CCDC92: variants seen among roughly 807,000 people sequenced by gnomAD.
CCDC92 encodes coiled-coil domain containing 92.
In CCDC92, 12 loss-of-function variants were observed where a neutral mutation model predicts 24.9. That is an observed-to-expected ratio of 0.48 (90% confidence interval 0.31 to 0.78). CCDC92 has a LOEUF of 0.78. Ranked by LOEUF, CCDC92 falls within the 30% of genes least tolerant of loss-of-function variation. CCDC92 has a pLI of 0.05. For missense variants in CCDC92, 399 were observed against 439.4 expected (o/e 0.91, Z 0.82); for synonymous variants, 193 against 196.3 (o/e 0.98, Z 0.14).
intron 1 of CCDC92, among the ~76,000 whole-genome samples, chr12:123,962,172 GAAT>G (rs934443582): frequency 3.3e-5 from 5 of 152,042 alleles, no homozygotes; most frequent in Admixed American, 2.6e-4. Context: ...AAAAAAATCA[GAAT>G]AAGAGAAAAT....
At chr12:123,966,689 T>TA (rs1956400576) in intron 1 of CCDC92, 1 of 152,252 alleles carries the variant, frequency 6.6e-6, no homozygotes, top group South Asian at 2.1e-4. Context: ...CAGGAATGGC[T>TA]AATTTGCTGC....
chr12:123,964,590 A>G (rs1956348044), intron 1 of CCDC92, among the ~76,000 whole-genome samples: 1 of 152,208 alleles, frequency 6.6e-6, no homozygotes, highest in Non-Finnish European at 1.5e-5. Flanking sequence ...TCATACAAAA[A>G]GTAGAATTTT....
At chr12:123,947,028 C>T (rs568032668) in intron 1 of CCDC92, among the ~76,000 whole-genome samples, 1 of 152,156 alleles carries the variant, frequency 6.6e-6, no homozygotes. Flanking sequence ...GCTTGGCGGG[C>T]CCCGCACTCA....
At chr12:123,938,408 T>A (rs977487398) in intron 4 of CCDC92, among the ~76,000 whole-genome samples, 7 of 152,124 alleles carry the variant, frequency 4.6e-5, no homozygotes. Context: ...CTGTCTCGCC[T>A]CTGTGGCTCT....
chr12:123,943,325 C>G (rs1361421820), intron 3 of CCDC92, 22 bp downstream of exon 3: 1 of 1,607,994 alleles, frequency 6.2e-7, no homozygotes, highest in Non-Finnish European at 8.5e-7. Flanking sequence ...CCCCGCCTGC[C>G]CGGGCCTGCT....
At chr12:123,955,746 G>A (rs1293496561) in intron 1 of CCDC92, among the ~76,000 whole-genome samples, 1 of 152,072 alleles carries the variant, frequency 6.6e-6, no homozygotes, top group African/African-American at 2.4e-5. Context: ...AGCCTCCTAT[G>A]TAGCTGGGAT....
chr12:123,964,556 G>C (rs1956347035), intron 1 of CCDC92, among the ~76,000 whole-genome samples: 1 of 152,156 alleles, frequency 6.6e-6, no homozygotes, highest in South Asian at 2.1e-4. Flanking sequence ...GCTAATATTT[G>C]GGAGTGGGGG....
intron 1 of CCDC92, among the ~76,000 whole-genome samples, chr12:123,954,898 G>A (rs571527796): frequency 2.6e-5 from 4 of 152,362 alleles, no homozygotes; most frequent in African/African-American, 9.6e-5. Flanking sequence ...GACCCTCAGA[G>A]CTGGAGGGGC....
At chr12:123,957,699 C>CTTTTTTTTTTTTTTTTTTTTTTTTTTTT (rs59738995) in intron 1 of CCDC92, among the ~76,000 whole-genome samples, 1 of 75,922 alleles carries the variant, frequency 1.3e-5, no homozygotes, top group Non-Finnish European at 2.4e-5. Context: ...TTTTTTCCTT[C>CTTTTTTTTTTTTTTTTTTTTTTTTTTTT]TTTTTTTTTT....
intron 1 of CCDC92, among the ~76,000 whole-genome samples, chr12:123,947,582 A>AAG (rs1300893154): frequency 3.9e-5 from 6 of 152,150 alleles, no homozygotes; most frequent in Non-Finnish European, 7.3e-5. Context: ...CTCTGTATCT[A>AAG]GCTACTCTGG....
chr12:123,964,994 C>T (rs1053498774), intron 1 of CCDC92, among the ~76,000 whole-genome samples: 3 of 152,048 alleles, frequency 2.0e-5, no homozygotes. Flanking sequence ...AATTAAAATT[C>T]AAATGGAAAA....
chr12:123,939,161 G>A (rs1955610825), intron 4 of CCDC92, among the ~76,000 whole-genome samples: 1 of 152,088 alleles, frequency 6.6e-6, no homozygotes, highest in African/African-American at 2.4e-5. Context: ...CTCTGTCCTT[G>A]CCCTAACTCC....
intron 1 of CCDC92, among the ~76,000 whole-genome samples, chr12:123,960,088 CTT>C (rs1478026697): frequency 1.3e-5 from 2 of 152,190 alleles, no homozygotes; most frequent in African/African-American, 4.8e-5. Flanking sequence ...GCTTATTTAT[CTT>C]TCTTACCTTA....
chr12:123,944,585 C>T, intron 1 of CCDC92: 1 of 392,228 alleles, frequency 2.5e-6, no homozygotes, highest in Non-Finnish European at 4.5e-6. Flanking sequence ...ACACCAATTG[C>T]TCATCAATTA....
In CCDC92 at chr12:123,936,977, G is replaced by C; in HGVS notation, c.*81C>G. Reference sequence around the variant, plus strand: ...TGTGAAAAGTGTTTGGCATGCATGGGATTAAACAGAAAAGGTGTGGCTGAG... The same window carrying C: ...TGTGAAAAGTGTTTGGCATGCATGGCATTAAACAGAAAAGGTGTGGCTGAG... On this transcript the variant is annotated 3_prime_UTR_variant, in exon 5 of 5. Transcript: ENST00000238156. 2 of 1,508,826 alleles carry C rather than the reference G, an allele frequency of 1.3e-6. No homozygotes were observed. The highest frequency in any genetic ancestry group is 2.3e-5 in the East Asian group (1 of 44,226). 93.5% of individuals were successfully genotyped at this position (1,508,826 alleles called of 1,614,324 possible).
intron 1 of CCDC92, chr12:123,960,658 A>G (rs1449298591): frequency 2.6e-5 from 4 of 152,242 alleles, no homozygotes; most frequent in Non-Finnish European, 5.9e-5. Context: ...ACCTGTCATG[A>G]GCTTGGATGA....
chr12:123,949,940 C>T (rs1955982209), intron 1 of CCDC92, among the ~76,000 whole-genome samples: 1 of 152,252 alleles, frequency 6.6e-6, no homozygotes, highest in Admixed American at 6.5e-5. Flanking sequence ...CTATCCCTTC[C>T]TCTCAGGGCA....
chr12:123,943,372 G>A lies in CCDC92; in HGVS notation c.156C>T (p.Ile52=). The A allele has an allele frequency of 6.2e-7, 1 of 1,613,816 alleles. No homozygotes were observed. Among genetic ancestry groups the A allele is most frequent in the Non-Finnish European group, 8.5e-7 (1 of 1,180,032 alleles). ...CTGTGCAGTGCTGCTGCAGCCGCCTGATCTCGGAGTGCAGCCCCTTGAGCG... is the reference window on the plus strand; with the variant it reads ...CTGTGCAGTGCTGCTGCAGCCGCCTAATCTCGGAGTGCAGCCCCTTGAGCG... ...ASTLKGLHSE[I]RRLQQHCTDL... The change falls in exon 3 of 5, where the codon ATC becomes ATT. Residue 52 remains isoleucine, a synonymous_variant. Transcript: ENST00000238156.
Position 123,937,720 on chromosome 12 carries a change from T to C in CCDC92, c.334A>G (p.Lys112Glu). ...NAELLKELEQ[K>E]NAMITVLENT... ...TCCAGCACTGTGATCATCGCGTTTT[T>C]CTGCTCCAGTTCTTTCAACAACTCA... is the stretch of plus-strand genomic sequence containing the variant. Residue 112 changes from lysine to glutamate, a missense_variant, in exon 5 of 5, where the codon AAA becomes GAA. Transcript: ENST00000238156. This position sits in a 1 kb window ranked among gnomAD's most constrained non-coding sequence, Gnocchi z 8.4. 1 of 1,614,190 alleles carries C rather than the reference T, an allele frequency of 6.2e-7. No homozygotes were observed. The highest frequency in any genetic ancestry group is 8.5e-7 in the Non-Finnish European group (1 of 1,180,048).
Sources: allele counts gnomAD v4.1 joint callset (sites outside exome capture counted in the v4.1 genomes callset), GRCh38; gene constraint gnomAD v4.1.1; non-coding constraint Gnocchi (gnomAD v3.1); transcripts MANE v1.5; gene names NCBI Gene and HGNC (gene_info 2026-07-23, HGNC 2026-07-21).